The following EFR3B variants were observed in gnomAD, a reference collection of about 807,000 sequenced individuals.
EFR3B encodes protein EFR3 homolog B.
In EFR3B, 64 loss-of-function variants were observed where a neutral mutation model predicts 104.7. The observed-to-expected ratio is 0.61, with a 90% CI of 0.50 to 0.75. The LOEUF (loss-of-function observed/expected upper bound fraction) is 0.75, where lower values mean the gene tolerates loss of function less well. EFR3B is among the 30% of genes least tolerant of loss of function. The pLI, the probability that EFR3B is intolerant of heterozygous loss-of-function variation, is 0.00. For synonymous variants in EFR3B, 385 were observed against 417.9 expected, an observed-to-expected ratio of 0.92 and a Z score of 0.96; for missense variants, 750 against 1,078.5, an observed-to-expected ratio of 0.70 and a Z score of 4.27.
chr2:25,086,230 G>A (rs764533222), intron 1 of EFR3B, among the ~76,000 whole-genome samples: 11 of 152,176 alleles, frequency 7.2e-5, no homozygotes, highest in Admixed American at 2.0e-4. Context: ...AAACATCCAC[G>A]TGCAGGTTTT....
rs538192425 is a variant in EFR3B at position 25,082,344 on chromosome 2, C to T, written c.8-8981C>T. Among the ~76,000 whole-genome samples the T allele has an allele frequency of 4.6e-5, 7 of 152,304 alleles. No individual in the cohort carries two copies. The East Asian group carries it at 1.2e-3, about 25-fold the overall frequency. On this transcript the variant is annotated intron_variant, in intron 1 of 22. Transcript: ENST00000403714. Reference sequence around the variant, plus strand: ...AGGCAGGCTAGAGGCCTTGGGCAGACAGGAGGAACTCTGACCCAGGCTCCC... The same window carrying T: ...AGGCAGGCTAGAGGCCTTGGGCAGATAGGAGGAACTCTGACCCAGGCTCCC...
intron 1 of EFR3B, among the ~76,000 whole-genome samples, chr2:25,056,286 G>A (rs778536187): frequency 5.3e-5 from 8 of 152,154 alleles, no homozygotes; most frequent in Non-Finnish European, 1.0e-4. Flanking sequence ...CTGCTGAAAC[G>A]GTTAAGGCCG....
In EFR3B at chr2:25,136,178, T is replaced by C. The variant is rs1194718086; in HGVS notation, c.1485-345T>C. On this transcript the variant is annotated intron_variant, in intron 13 of 22. Transcript: ENST00000403714. The surrounding 1 kb of genome is among the most constrained non-coding windows in gnomAD (Gnocchi z 4.0). The stretch of plus-strand genomic sequence containing the variant: ...CAAGAAAATTTAAAAATTAGCCGAG[T>C]GTGGTGGCTCACACCTGTGGTCCCA... Among the ~76,000 whole-genome samples, 3 of 151,684 alleles carry C rather than the reference T, an allele frequency of 2.0e-5. No individual in the cohort carries two copies. The highest frequency in any genetic ancestry group is 2.9e-5 in the Non-Finnish European group (2 of 67,920).
intron 4 of EFR3B, among the ~76,000 whole-genome samples, chr2:25,108,613 T>C (rs1669631116): frequency 6.6e-6 from 1 of 152,216 alleles, no homozygotes; most frequent in Non-Finnish European, 1.5e-5. Flanking sequence ...GATAAGTCTT[T>C]ATGATCTTGG....
intron 6 of EFR3B, among the ~76,000 whole-genome samples, chr2:25,128,696 C>T (rs540765007): frequency 2.0e-4 from 30 of 152,124 alleles, no homozygotes; most frequent in African/African-American, 6.7e-4. Context: ...CGGTGGCTCA[C>T]GCCTGTAATC....
chr2:25,155,579 T>G lies in EFR3B; in HGVS notation c.*1239T>G, dbSNP rs1671142747. 6.6e-6 allele frequency: 1 copy of G among 152,220 alleles called. No homozygotes were observed. Among genetic ancestry groups the G allele is most frequent in the Non-Finnish European group, 1.5e-5 (1 of 68,086 alleles). The allele number at this position is 152,220 out of a possible 1,614,324, so 9.4% of individuals were successfully genotyped here. ...GGGCAGAGCCACCCAGGAGGCAGTT[T>G]GTTGCCTTCTTTGCCAATTCCCCTT... On this transcript the variant is annotated 3_prime_UTR_variant, in exon 23 of 23. Coordinates refer to ENST00000403714, the MANE Select transcript of EFR3B (RefSeq NM_014971.2).
At chr2:25,078,126 G>A (rs1668687328) in intron 1 of EFR3B, among the ~76,000 whole-genome samples, 1 of 152,136 alleles carries the variant, frequency 6.6e-6, no homozygotes, top group Admixed American at 6.6e-5. Flanking sequence ...GTTCCTTGAT[G>A]GCAGAACCTG....
At chr2:25,046,944 C>T (rs1466360832) in intron 1 of EFR3B, among the ~76,000 whole-genome samples, 1 of 152,142 alleles carries the variant, frequency 6.6e-6, no homozygotes, top group Non-Finnish European at 1.5e-5. Flanking sequence ...CCCCATGATC[C>T]AGGTATGGCC....
rs938472592 is a variant in EFR3B at position 25,071,446 on chromosome 2, A to C, written c.8-19879A>C. On this transcript the variant is annotated intron_variant, in intron 1 of 22. Coordinates refer to ENST00000403714, the MANE Select transcript of EFR3B (RefSeq NM_014971.2). ...TGGCTATTTTTTGTATTTTTAGTAGAGATGAGGTTTCACTATGTTGGCCAG... is the reference window on the plus strand; with the variant it reads ...TGGCTATTTTTTGTATTTTTAGTAGCGATGAGGTTTCACTATGTTGGCCAG... Among the ~76,000 whole-genome samples, 13 of 150,426 alleles carry C rather than the reference A, an allele frequency of 8.6e-5. No homozygotes were observed. The East Asian group carries it at 2.5e-3, about 29-fold the overall frequency.
At chr2:25,079,862 G>A in intron 1 of EFR3B, 5 of 955,992 alleles carry the variant, frequency 5.2e-6, no homozygotes, top group Non-Finnish European at 8.5e-6. Flanking sequence ...AATGATTATA[G>A]CACATTTAAC....
At chr2:25,151,630 G>A (rs551277339) in intron 20 of EFR3B, among the ~76,000 whole-genome samples, 22 of 152,238 alleles carry the variant, frequency 1.4e-4, no homozygotes, top group Admixed American at 3.3e-4. Context: ...TAAGAGTCCC[G>A]GTGGGAGAGC....
chr2:25,132,813 C>T, intron 10 of EFR3B, 90 bp from the exon 11 acceptor site: 1 of 1,057,046 alleles, frequency 9.5e-7, no homozygotes, highest in Non-Finnish European at 1.4e-6. Context: ...CGGAGAGAGG[C>T]AGCCCTCGCT....
At chr2:25,118,341 T>C (rs991347333) in intron 4 of EFR3B, among the ~76,000 whole-genome samples, 3 of 152,328 alleles carry the variant, frequency 2.0e-5, no homozygotes, top group Non-Finnish European at 4.4e-5. Flanking sequence ...TCTTTCTGCG[T>C]CTGATTTGTT....
Position 25,103,702 on chromosome 2 carries a change from A to G in EFR3B, c.278A>G (p.Asn93Ser). The change falls in exon 4 of 23, where the codon AAC (asparagine) becomes AGC (serine). Residue 93 changes from asparagine (N) to serine (S), a missense_variant. Coordinates refer to ENST00000403714, the MANE Select transcript of EFR3B (RefSeq NM_014971.2). ...LLMACHCQSI[N>S]LFVESFLKMV... is the part of the protein sequence containing the mutation. ...ATGGCCTGCCACTGCCAGAGCATCAACCTCTTCGTGGAGAGCTTCCTCAAG... is the reference window on the plus strand; with the variant it reads ...ATGGCCTGCCACTGCCAGAGCATCAGCCTCTTCGTGGAGAGCTTCCTCAAG... 1 of 1,551,674 alleles carries G rather than the reference A, an allele frequency of 6.4e-7. No homozygotes were observed. Among genetic ancestry groups the G allele is most frequent in the Non-Finnish European group, 8.7e-7 (1 of 1,146,964 alleles).
At chr2:25,121,568 C>G in intron 4 of EFR3B, 105 bp from the exon 5 acceptor site, 1 of 1,423,910 alleles carries the variant, frequency 7.0e-7, no homozygotes, top group Non-Finnish European at 9.6e-7. Context: ...CTCCAGGATG[C>G]GTGGTTCCCA....
intron 4 of EFR3B, among the ~76,000 whole-genome samples, chr2:25,119,351 G>C (rs1174796620): frequency 3.9e-5 from 6 of 152,202 alleles, no homozygotes; most frequent in Non-Finnish European, 8.8e-5. Context: ...ACCCTGACCG[G>C]ACCAGCCTTT....
chr2:25,137,198 C>G lies in EFR3B; in HGVS notation c.1561-143C>G, dbSNP rs576256422. The stretch of plus-strand genomic sequence containing the variant: ...GTGTGTGTCTGCTTCTGCCAGAGCC[C>G]GCTTTAAAGGCATCCCCTCCCCAAG... On this transcript the variant is annotated intron_variant, in intron 14 of 22. Transcript: ENST00000403714. The surrounding 1 kb of genome is among the most constrained non-coding windows in gnomAD (Gnocchi z 4.7). 1.1e-6 allele frequency: 1 copy of G among 913,728 alleles called. No homozygotes were observed. Among genetic ancestry groups the G allele is most frequent in the African/African-American group, 1.7e-5 (1 of 59,442 alleles). The allele number at this position is 913,728 out of a possible 1,614,324, so 56.6% of individuals were successfully genotyped here. A position where few individuals can be genotyped will look rare whatever the true frequency, so the allele number is the denominator to read the frequency against.
intron 2 of EFR3B, among the ~76,000 whole-genome samples, chr2:25,091,861 G>A (rs1166957212): frequency 6.6e-6 from 1 of 152,100 alleles, no homozygotes; most frequent in East Asian, 1.9e-4. Flanking sequence ...ACACACACAG[G>A]GCCTGGCCTC....
At chr2:25,133,060 C>T in intron 11 of EFR3B, 46 bp downstream of exon 11, 18 of 1,487,030 alleles carry the variant, frequency 1.2e-5, no homozygotes, top group Non-Finnish European at 1.7e-5. Context: ...TCTCCCCCAG[C>T]TGCATTTTCT....
Sources: allele counts gnomAD v4.1 joint callset (sites outside exome capture counted in the v4.1 genomes callset), GRCh38; gene constraint gnomAD v4.1.1; non-coding constraint Gnocchi (gnomAD v3.1); transcripts MANE v1.5; gene names NCBI Gene and HGNC (gene_info 2026-07-23, HGNC 2026-07-21).